SYNPR: variants seen among roughly 807,000 people sequenced by gnomAD.
The protein encoded by SYNPR is synaptoporin.
In SYNPR, 23 loss-of-function variants were observed where a neutral mutation model predicts 32.9. That is an observed-to-expected ratio of 0.70 (90% confidence interval 0.50 to 0.99). The LOEUF is 0.99. Ranked by LOEUF, SYNPR falls within the 50% of genes least tolerant of loss-of-function variation. SYNPR has a pLI of 0.00. For missense variants in SYNPR, 318 were observed against 349.3 expected (o/e 0.91, Z 0.71); for synonymous variants, 146 against 135.9 (o/e 1.07, Z -0.52).
intron 2 of SYNPR, among the ~76,000 whole-genome samples, chr3:63,294,972 GA>G (rs1026982599): frequency 6.6e-6 from 1 of 152,072 alleles, no homozygotes; most frequent in African/African-American, 2.4e-5. Context: ...TCTTTTGATA[GA>G]AAGGCAGAAT....
At chr3:63,336,021 C>T (rs1228331322) in intron 2 of SYNPR, among the ~76,000 whole-genome samples, 1 of 152,110 alleles carries the variant, frequency 6.6e-6, no homozygotes, top group East Asian at 1.9e-4. Context: ...GGTGATCCGC[C>T]TGCCTCGGCC....
intron 2 of SYNPR, among the ~76,000 whole-genome samples, chr3:63,330,995 G>T (rs1249671592): frequency 6.6e-6 from 1 of 152,270 alleles, no homozygotes; most frequent in Admixed American, 6.5e-5. Context: ...TCTAGACCTA[G>T]TTCACACTTG....
chr3:63,542,151 A>G (rs1186299464), intron 3 of SYNPR, among the ~76,000 whole-genome samples: 1 of 152,168 alleles, frequency 6.6e-6, no homozygotes, highest in Non-Finnish European at 1.5e-5. Context: ...GTAAGAAACT[A>G]GAATCTCGTT....
chr3:63,550,849 T>C (rs1702488771), intron 3 of SYNPR, among the ~76,000 whole-genome samples: 1 of 152,238 alleles, frequency 6.6e-6, no homozygotes, highest in African/African-American at 2.4e-5. Flanking sequence ...TTTGGCCACC[T>C]GGCCAAGAAG....
intron 2 of SYNPR, among the ~76,000 whole-genome samples, chr3:63,466,052 C>G (rs1700671686): frequency 6.6e-6 from 1 of 152,142 alleles, no homozygotes; most frequent in African/African-American, 2.4e-5. Context: ...GATCCTCTCT[C>G]TCCTCCTACT....
chr3:63,578,526 A>G (rs1703032590), intron 4 of SYNPR, among the ~76,000 whole-genome samples: 1 of 152,102 alleles, frequency 6.6e-6, no homozygotes, highest in African/African-American at 2.4e-5. Flanking sequence ...GAGGTGTGAG[A>G]GTGGAAGCTA....
intron 2 of SYNPR, among the ~76,000 whole-genome samples, chr3:63,418,323 A>G (rs1021409476): frequency 7.9e-5 from 12 of 152,086 alleles, no homozygotes; most frequent in African/African-American, 2.7e-4. Flanking sequence ...CATTGTCCCT[A>G]TCATTATCAG....
chr3:63,598,289 G>T (rs1239407319), intron 4 of SYNPR, among the ~76,000 whole-genome samples: 1 of 152,182 alleles, frequency 6.6e-6, no homozygotes, highest in Non-Finnish European at 1.5e-5. Context: ...TGTCACCAAA[G>T]ATGACTCCCT....
chr3:63,290,832 C>T (rs1213261188), intron 2 of SYNPR, among the ~76,000 whole-genome samples: 1 of 152,142 alleles, frequency 6.6e-6, no homozygotes. Flanking sequence ...TGTGCTTTAA[C>T]AGGAAGTTCT....
At chr3:63,241,052 C>T (rs540312566) in intron 1 of SYNPR, among the ~76,000 whole-genome samples, 54 of 152,162 alleles carry the variant, frequency 3.5e-4, no homozygotes, top group South Asian at 1.2e-3. Flanking sequence ...AAAAAAAAAT[C>T]CATGCTTTGC....
At chr3:63,340,361 T>A (rs971826192) in intron 2 of SYNPR, among the ~76,000 whole-genome samples, 18 of 152,028 alleles carry the variant, frequency 1.2e-4, no homozygotes, top group Admixed American at 1.3e-4. Flanking sequence ...GTTGAAAAAT[T>A]TTCAGTGAAC....
the SYNPR span, among the ~76,000 whole-genome samples, chr3:63,221,157 C>G: frequency 1.3e-5 from 2 of 151,944 alleles, no homozygotes; most frequent in African/African-American, 2.4e-5. Context: ...GTCAAACAGG[C>G]GCTTGGGTAA....
At chr3:63,490,096 T>C (rs549132214) in intron 3 of SYNPR, among the ~76,000 whole-genome samples, 2 of 152,260 alleles carry the variant, frequency 1.3e-5, no homozygotes, top group East Asian at 3.9e-4. Flanking sequence ...AAAACCTTGC[T>C]GGTGAAATGA....
At chr3:63,593,075 A>T (rs1002843057) in intron 4 of SYNPR, among the ~76,000 whole-genome samples, 13 of 152,084 alleles carry the variant, frequency 8.5e-5, no homozygotes, top group Non-Finnish European at 1.9e-4. Context: ...ACCTGTATAT[A>T]ATAAGACCAA....
At chr3:63,304,094 A>T (rs2086883689) in intron 2 of SYNPR, among the ~76,000 whole-genome samples, 1 of 152,010 alleles carries the variant, frequency 6.6e-6, no homozygotes. Flanking sequence ...GACTGTTTTA[A>T]AAAGCTGTTT....
chr3:63,348,103 T>G (rs1286834911), intron 2 of SYNPR, among the ~76,000 whole-genome samples: 1 of 152,186 alleles, frequency 6.6e-6, no homozygotes, highest in Non-Finnish European at 1.5e-5. Flanking sequence ...TTGAGAAATA[T>G]CCATTCTGTT....
chr3:63,396,512 C>A (rs1435801084), intron 2 of SYNPR, among the ~76,000 whole-genome samples: 1 of 152,092 alleles, frequency 6.6e-6, no homozygotes, highest in Admixed American at 6.5e-5. Context: ...TCTTTTTTAG[C>A]CAACATCTTC....
intron 4 of SYNPR, among the ~76,000 whole-genome samples, chr3:63,584,430 C>A (rs761643638): frequency 6.6e-6 from 1 of 152,006 alleles, no homozygotes; most frequent in Non-Finnish European, 1.5e-5. Context: ...AGGTATGGGA[C>A]ACGACAGCAT....
At chr3:63,258,692 G>A (rs1441164263) in intron 2 of SYNPR, among the ~76,000 whole-genome samples, 1 of 152,096 alleles carries the variant, frequency 6.6e-6, no homozygotes, top group African/African-American at 2.4e-5. Flanking sequence ...ACATTCAAAA[G>A]CTAGCAGAAG....
Sources: gnomAD v4.1 joint callset for allele counts (sites outside exome capture counted in the v4.1 genomes callset) on GRCh38, gnomAD v4.1.1 for gene constraint, MANE v1.5 for transcripts, NCBI Gene and HGNC (gene_info 2026-07-23, HGNC 2026-07-21) for gene names.